Variants in TF observed in about 807,000 individuals in gnomAD.
TF encodes the protein serotransferrin.
In TF, 55 loss-of-function variants were observed where a neutral mutation model predicts 82.4. The ratio of observed to expected loss-of-function variants is 0.67; its 90% CI spans 0.54 to 0.84. TF has a LOEUF of 0.84. TF is among the 40% of genes least tolerant of loss of function. TF has a pLI of 0.00. For missense variants in TF, 737 were observed against 868.4 expected, an observed-to-expected ratio of 0.85 and a Z score of 1.90; for synonymous variants, 332 against 332.6, an observed-to-expected ratio of 1.00 and a Z score of 0.02.
intron 16 of TF, chr3:133,777,509 T>C (rs1576369387): frequency 2.1e-6 from 1 of 465,310 alleles, no homozygotes; most frequent in East Asian, 4.0e-5. Flanking sequence ...ACTGGGTTTA[T>C]GTGTACATGC....
At chr3:133,683,455 C>G in the TF span, among the ~76,000 whole-genome samples, 1 of 152,068 alleles carries the variant, frequency 6.6e-6, no homozygotes, top group Non-Finnish European at 1.5e-5. Context: ...TCAGAAGACC[C>G]ATCTCACATG....
chr3:133,776,365 A>G (rs1383583092), intron 15 of TF, among the ~76,000 whole-genome samples: 1 of 152,078 alleles, frequency 6.6e-6, no homozygotes, highest in Non-Finnish European at 1.5e-5. Context: ...TCTAATCCTA[A>G]AGGCCCCTCC....
the TF span, among the ~76,000 whole-genome samples, chr3:133,676,410 C>A: frequency 6.6e-6 from 1 of 152,150 alleles, no homozygotes; most frequent in Non-Finnish European, 1.5e-5. Flanking sequence ...GGGCTCTTGG[C>A]GGGGTGATTT....
chr3:133,743,283 C>A (rs1372574900), upstream of TF, among the ~76,000 whole-genome samples: 1 of 152,206 alleles, frequency 6.6e-6, no homozygotes, highest in African/African-American at 2.4e-5. Context: ...ATATTTTCTT[C>A]CAGCTGAGCA....
intron 10 of TF, 126 bp downstream of exon 10, chr3:133,764,401 CT>C: frequency 1.3e-6 from 1 of 795,148 alleles, no homozygotes; most frequent in Admixed American, 2.0e-5. Context: ...GCACCTCCTA[CT>C]TTGCAAGCTC....
the TF span, among the ~76,000 whole-genome samples, chr3:133,667,177 T>A: frequency 6.6e-6 from 1 of 151,648 alleles, no homozygotes; most frequent in African/African-American, 2.4e-5. Context: ...ATCTTGTCTC[T>A]AAAAAAAAGT....
chr3:133,740,221 A>G, the TF span, among the ~76,000 whole-genome samples: 2 of 152,212 alleles, frequency 1.3e-5, no homozygotes, highest in Non-Finnish European at 2.9e-5. Context: ...TTCTCAGCAA[A>G]GTAACACAGG....
chr3:133,719,484 C>T, the TF span, among the ~76,000 whole-genome samples: 1 of 152,090 alleles, frequency 6.6e-6, no homozygotes, highest in Non-Finnish European at 1.5e-5. Flanking sequence ...GTATGAGGCT[C>T]AAAGTGTGTT....
chr3:133,737,326 G>A, the TF span, among the ~76,000 whole-genome samples: 2,716 of 152,194 alleles, frequency 0.018, 56 homozygotes, highest in South Asian at 0.092. Flanking sequence ...GGGTTTAGAG[G>A]GAAATTTATA....
At chr3:133,732,681 A>G in the TF span, among the ~76,000 whole-genome samples, 1 of 152,208 alleles carries the variant, frequency 6.6e-6, no homozygotes, top group African/African-American at 2.4e-5. Flanking sequence ...AGCACACCAG[A>G]AGGAAAAAAC....
the TF span, among the ~76,000 whole-genome samples, chr3:133,685,837 T>G: frequency 1.3e-5 from 2 of 152,106 alleles, no homozygotes; most frequent in African/African-American, 4.8e-5. Context: ...TTCACAGAAT[T>G]GGAAAAAACT....
chr3:133,794,744 T>G lies in TF; in HGVS notation c.*16124T>G, dbSNP rs1934924671. 1 of 152,208 alleles carries G rather than the reference T, an allele frequency of 6.6e-6. No homozygotes were observed. Among genetic ancestry groups the G allele is most frequent in the Non-Finnish European group, 1.5e-5 (1 of 68,034 alleles). The allele number at this position is 152,208 out of a possible 1,614,324, so 9.4% of individuals were successfully genotyped here. ...GTAAAGCTAACCAGGGAAGTTTCTC[T>G]CCCGAAGAAGATGGCATCCTTGATG... On this transcript the variant is annotated 3_prime_UTR_variant, in exon 17 of 17. Transcript: ENST00000402696.
the TF span, among the ~76,000 whole-genome samples, chr3:133,674,639 C>A: frequency 6.6e-6 from 1 of 152,146 alleles, no homozygotes; most frequent in Admixed American, 6.5e-5. Flanking sequence ...TGCGCCGGGG[C>A]CCTGAGTAAG....
At chr3:133,732,827 T>G in the TF span, among the ~76,000 whole-genome samples, 2 of 58,644 alleles carry the variant, frequency 3.4e-5, no homozygotes, top group Admixed American at 3.5e-4. Context: ...CCGGACACAT[T>G]ATGATCCTCA....
At chr3:133,676,150 G>GA in the TF span, among the ~76,000 whole-genome samples, 2 of 152,134 alleles carry the variant, frequency 1.3e-5, no homozygotes, top group Non-Finnish European at 2.9e-5. Flanking sequence ...AGATATAGGG[G>GA]AAAAAACTAT....
At chr3:133,750,730 C>T (rs749768341) in intron 2 of TF, among the ~76,000 whole-genome samples, 1 of 152,082 alleles carries the variant, frequency 6.6e-6, no homozygotes, top group Non-Finnish European at 1.5e-5. Context: ...ACTCTCCCAA[C>T]CCCACTGCAA....
chr3:133,697,380 C>T, the TF span, among the ~76,000 whole-genome samples: 10 of 152,210 alleles, frequency 6.6e-5, no homozygotes, highest in African/African-American at 2.2e-4. Flanking sequence ...CTATGGGTCT[C>T]ATCAAGTTGT....
chr3:133,723,390 T>A, the TF span, among the ~76,000 whole-genome samples: 1 of 151,756 alleles, frequency 6.6e-6, no homozygotes, highest in African/African-American at 2.4e-5. Context: ...TAGTCTCTTC[T>A]CATCTGATAT....
At chr3:133,755,890 C>T (rs769824193) in intron 5 of TF, 2 of 430,044 alleles carry the variant, frequency 4.7e-6, no homozygotes, top group South Asian at 5.1e-5. Flanking sequence ...CTCCTGCCCC[C>T]ATCACCGTCT....
Sources: allele counts gnomAD v4.1 joint callset (sites outside exome capture counted in the v4.1 genomes callset), GRCh38; gene constraint gnomAD v4.1.1; transcripts MANE v1.5; gene names NCBI Gene and HGNC (gene_info 2026-07-23, HGNC 2026-07-21).